The following ASDURF variants were observed in gnomAD, a reference collection of about 807,000 sequenced individuals.
The protein encoded by ASDURF is ASDURF protein.
Under a neutral mutation model 3.3 loss-of-function variants are expected in ASDURF, and 3 were observed. The ratio of observed to expected loss-of-function variants is 0.92; its 90% confidence interval spans 0.42 to 2.37. ASDURF has a LOEUF of 2.37. ASDURF is among the 30% of genes most tolerant of loss of function. The pLI is 0.05. For synonymous variants in ASDURF, 11 were observed against 8.3 expected (o/e 1.32, Z -0.55); for missense variants, 23 against 25.4 (o/e 0.90, Z 0.21).
chr2:189,666,236 G>T lies in ASDURF; in HGVS notation c.*125G>T. The T allele has an allele frequency of 6.2e-7, 1 of 1,614,074 alleles. No homozygotes were observed. Among genetic ancestry groups the T allele is most frequent in the Non-Finnish European group, 8.5e-7 (1 of 1,179,978 alleles). ...CTTAAACAGCGGGGACCCAATAGTA[G>T]TAAACAATTGTTAAAGTCTGATGTT... is the stretch of plus-strand genomic sequence containing the variant. On this transcript the variant is annotated 3_prime_UTR_variant, in exon 4 of 4. Coordinates refer to ENST00000607829, the MANE Select transcript of ASDURF (RefSeq NM_001353493.2).
chr2:189,666,009 T>C, intron 3 of ASDURF, 32 bp from the exon 4 acceptor site: 1 of 1,103,686 alleles, frequency 9.1e-7, no homozygotes, highest in Non-Finnish European at 1.2e-6. Context: ...ATTTTTATGT[T>C]ATTTAATATT....
chr2:189,665,596 G>GTATATATATA (rs71023704), intron 3 of ASDURF, 145 bp downstream of exon 3: 2 of 111,494 alleles, frequency 1.8e-5, no homozygotes, highest in African/African-American at 4.0e-5. Flanking sequence ...ATATATATAT[G>GTATATATATA]TGTATATATA....
chr2:189,664,717 A>G (rs1306016613), intron 2 of ASDURF, among the ~76,000 whole-genome samples: 2 of 152,080 alleles, frequency 1.3e-5, no homozygotes, highest in Admixed American at 1.3e-4. Flanking sequence ...ACTGCACTCC[A>G]GCCTAGGCTA....
Position 189,666,032 on chromosome 2 carries a change from C to T in ASDURF, c.221-9C>T. ...GTTATTTAATATTTATTCTCCTTCC[C>T]TGCAACAGATATATTGGATGAACTG... On this transcript the variant is annotated splice_polypyrimidine_tract_variant and intron_variant, in intron 3 of 3. Coordinates refer to ENST00000607829, the MANE Select transcript of ASDURF (RefSeq NM_001353493.2). 1.6e-6 allele frequency: 2 copies of T among 1,279,642 alleles called. No homozygotes were observed. Among genetic ancestry groups the T allele is most frequent in the Non-Finnish European group, 2.1e-6 (2 of 943,128 alleles). 79.3% of individuals were successfully genotyped at this position (1,279,642 alleles called of 1,614,324 possible).
In ASDURF at chr2:189,666,316, A is replaced by G; in HGVS notation, c.*205A>G. 6.2e-7 allele frequency: 1 copy of G among 1,613,956 alleles called. No individual in the cohort carries two copies. The highest frequency in any genetic ancestry group is 8.5e-7 in the Non-Finnish European group (1 of 1,179,926). On this transcript the variant is annotated 3_prime_UTR_variant, in exon 4 of 4. Transcript: ENST00000607829. ...CCTACACTTGAGGGGTGTTTTGACT[A>G]CCCAGCCTGTGGAAGATGAAAGAGG... is the stretch of plus-strand genomic sequence containing the variant.
In ASDURF at chr2:189,666,161, T is replaced by C; in HGVS notation, c.*50T>C. 7 of 1,590,232 alleles carry C rather than the reference T, an allele frequency of 4.4e-6. No individual in the cohort carries two copies. Among genetic ancestry groups the C allele is most frequent in the Non-Finnish European group, 6.0e-6 (7 of 1,169,826 alleles). On this transcript the variant is annotated 3_prime_UTR_variant, in exon 4 of 4. Transcript: ENST00000607829. ...TGTGGCATTTGTTGTTCTGTAAACT[T>C]TTCTGCTGAGCATTTCAGTCAAGAT...
rs2032659818 is a variant in ASDURF, at chr2:189,661,478, C to T, written c.-43C>T. 2.5e-6 allele frequency: 1 copy of T among 399,172 alleles called. No homozygotes were observed. The highest frequency in any genetic ancestry group is 4.4e-6 in the Non-Finnish European group (1 of 226,176). The allele number at this position is 399,172 out of a possible 1,614,324, so 24.7% of individuals were successfully genotyped here. On this transcript the variant is annotated 5_prime_UTR_variant, in exon 1 of 4. Transcript: ENST00000607829. ...TGCGCTGTGGCTAATGCCGTAGGCT[C>T]CTTCAGGGCTGAGCCATCCCGCGTG...
At position 189,663,928 on chromosome 2, in the gene ASDURF, G is replaced by T; in HGVS notation, c.118G>T (p.Glu40Ter). Reference protein sequence around the residue: ...KIKEQKIVVDELSNLKKNRKV... With the variant: ...KIKEQKIVVD ...TAAAGAACAAAAAATTGTGGTGGAT[G>T]AACTTTCTAACCTTAAGAAGAATAG... The change falls in exon 2 of 4, where the codon GAA becomes TAA. Residue 40 changes from glutamate to a stop codon, truncating the protein, a stop_gained. Coordinates refer to ENST00000607829, the MANE Select transcript of ASDURF (RefSeq NM_001353493.2). LOFTEE classifies it high-confidence loss of function. The T allele has an allele frequency of 5.1e-6, 2 of 388,394 alleles. No individual in the cohort carries two copies. The highest frequency in any genetic ancestry group is 1.3e-4 in the South Asian group (1 of 7,716). The allele number at this position is 388,394 out of a possible 1,614,324, so 24.1% of individuals were successfully genotyped here. A position where few individuals can be genotyped will look rare whatever the true frequency, so the allele number is the denominator to read the frequency against.
At chr2:189,662,293 G>C (rs1306924920) in intron 1 of ASDURF, among the ~76,000 whole-genome samples, 1 of 152,184 alleles carries the variant, frequency 6.6e-6, no homozygotes, top group Non-Finnish European at 1.5e-5. Context: ...GGGGTGGCGA[G>C]GGTTATAGCC....
At position 189,665,393 on chromosome 2, in the gene ASDURF, A is replaced by G. The variant is rs914931619; in HGVS notation, c.162A>G (p.Gln54=). Residue 54 remains glutamine (Q), a synonymous_variant, in exon 3 of 4, where the codon CAA becomes CAG. Transcript: ENST00000607829. ...LKKNRKVYRQ[Q]QNSNIFFLAD... ...TTTTCCAGAAAGTATATAGGCAACA[A>G]CAGAACAGCAATATATTCTTTCTTG... 3 of 397,534 alleles carry G rather than the reference A, an allele frequency of 7.5e-6. No individual in the cohort carries two copies. Among genetic ancestry groups the G allele is most frequent in the Admixed American group, 8.8e-5 (2 of 22,652 alleles). The allele number at this position is 397,534 out of a possible 1,614,324, so 24.6% of individuals were successfully genotyped here. A position where few individuals can be genotyped will look rare whatever the true frequency, so the allele number is the denominator to read the frequency against.
intron 1 of ASDURF, among the ~76,000 whole-genome samples, chr2:189,663,171 C>T (rs1210128343): frequency 1.3e-5 from 2 of 150,992 alleles, no homozygotes. Flanking sequence ...TTTTTTAAAT[C>T]TAAATCACAA....
intron 2 of ASDURF, among the ~76,000 whole-genome samples, chr2:189,664,857 A>G (rs942414102): frequency 2.0e-5 from 3 of 152,210 alleles, no homozygotes; most frequent in African/African-American, 7.2e-5. Flanking sequence ...CAGCAGTTCC[A>G]TTTATAGTAG....
intron 1 of ASDURF, among the ~76,000 whole-genome samples, chr2:189,662,580 A>G (rs1324871085): frequency 6.6e-6 from 1 of 152,178 alleles, no homozygotes. Context: ...TGAATTTTCA[A>G]AAGACACACA....
chr2:189,665,544 T>G (rs1174886290), intron 3 of ASDURF, 93 bp downstream of exon 3: 2 of 339,746 alleles, frequency 5.9e-6, no homozygotes, highest in African/African-American at 4.4e-5. Flanking sequence ...TGCAGCAGTT[T>G]GATTTTCTTC....
chr2:189,661,692 C>A, intron 1 of ASDURF, 82 bp downstream of exon 1: 1 of 398,982 alleles, frequency 2.5e-6, no homozygotes, highest in Admixed American at 4.4e-5. Flanking sequence ...CAGCGGGCAG[C>A]GTGGGGCCTG....
At position 189,666,144 on chromosome 2, in the gene ASDURF, T is replaced by A; in HGVS notation, c.*33T>A. 15 of 1,567,886 alleles carry A rather than the reference T, an allele frequency of 9.6e-6. No individual in the cohort carries two copies. Among genetic ancestry groups the A allele is most frequent in the Non-Finnish European group, 1.3e-5 (15 of 1,158,778 alleles). ...GATTTCACATAACAATGTGTGGCATTTGTTGTTCTGTAAACTTTTCTGCTG... is the reference window on the plus strand; with the variant it reads ...GATTTCACATAACAATGTGTGGCATATGTTGTTCTGTAAACTTTTCTGCTG... On this transcript the variant is annotated 3_prime_UTR_variant, in exon 4 of 4. Transcript: ENST00000607829.
chr2:189,663,308 C>T (rs2032713069), intron 1 of ASDURF, among the ~76,000 whole-genome samples: 1 of 151,834 alleles, frequency 6.6e-6, no homozygotes, highest in South Asian at 2.1e-4. Flanking sequence ...GGCTAGAGTG[C>T]AGTGGTGCAA....
At position 189,666,109 on chromosome 2, in the gene ASDURF, T is replaced by G. The variant is rs184060419; in HGVS notation, c.289T>G (p.Ter97GluextTer3). Reference protein sequence around the residue: ...ENLDKTKIKK* With the variant: ...ENLDKTKIKKE ...CTTAGACAAGACCAAAATCAAGAAA[T>G]AGTCAACCTGATTTCACATAACAAT... The change falls in exon 4 of 4, where the codon TAG becomes GAG. Residue 97 changes from the stop codon to glutamate, a stop_lost. Coordinates refer to ENST00000607829, the MANE Select transcript of ASDURF (RefSeq NM_001353493.2). 2 of 1,501,120 alleles carry G rather than the reference T, an allele frequency of 1.3e-6. No individual in the cohort carries two copies. The highest frequency in any genetic ancestry group is 1.8e-6 in the Non-Finnish European group (2 of 1,128,814). 93.0% of individuals were successfully genotyped at this position (1,501,120 alleles called of 1,614,324 possible).
At chr2:189,664,504 T>C (rs187026966) in intron 2 of ASDURF, among the ~76,000 whole-genome samples, 7 of 152,332 alleles carry the variant, frequency 4.6e-5, no homozygotes, top group Admixed American at 6.5e-5. Flanking sequence ...AAGAAATGAG[T>C]TTGAGCTCTT....
Sources: gnomAD v4.1 joint callset for allele counts (sites outside exome capture counted in the v4.1 genomes callset) on GRCh38, gnomAD v4.1.1 for gene constraint, MANE v1.5 for transcripts, NCBI Gene and HGNC (gene_info 2026-07-23, HGNC 2026-07-21) for gene names.